PDGFB: variants seen among roughly 807,000 people sequenced by gnomAD.
PDGFB encodes the protein platelet derived growth factor subunit B, also known as platelet-derived growth factor subunit B.
A neutral mutation model predicts 29.0 loss-of-function variants in PDGFB; 6 were observed. That is an observed-to-expected ratio of 0.21 (90% CI 0.11 to 0.41). The LOEUF (loss-of-function observed/expected upper bound fraction) is 0.41. Ranked by LOEUF, PDGFB falls within the 10% of genes least tolerant of loss-of-function variation. The pLI, the probability that PDGFB is intolerant of heterozygous loss-of-function variation, is 1.00. For synonymous variants in PDGFB, 144 were observed against 140.8 expected (o/e 1.02, Z -0.16); for missense variants, 299 against 341.8 (o/e 0.87, Z 0.99).
intron 5 of PDGFB, 88 bp downstream of exon 5, chr22:39,229,996 T>C: frequency 6.9e-7 from 1 of 1,454,498 alleles, no homozygotes; most frequent in East Asian, 2.3e-5. Context: ...GGGGCGGGCC[T>C]GATCCCATTT....
chr22:39,224,749 G>A lies in PDGFB; in HGVS notation c.*593C>T, dbSNP rs1188341029. On this transcript the variant is annotated 3_prime_UTR_variant, in exon 7 of 7. Coordinates refer to ENST00000331163, the MANE Select transcript of PDGFB (RefSeq NM_002608.4). Reference sequence around the variant, plus strand: ...GAGTCCACGTCTTCAAAACGAAAACGAAAAGAAGCCACTGTGCACAGAGGC... The same window carrying A: ...GAGTCCACGTCTTCAAAACGAAAACAAAAAGAAGCCACTGTGCACAGAGGC... 6.6e-6 allele frequency: 1 copy of A among 152,338 alleles called. No individual in the cohort carries two copies. The highest frequency in any genetic ancestry group is 1.5e-5 in the Non-Finnish European group (1 of 68,042). 9.4% of individuals were successfully genotyped at this position (152,338 alleles called of 1,614,324 possible).
intron 5 of PDGFB, 39 bp from the exon 6 acceptor site, chr22:39,225,886 C>A: frequency 1.3e-6 from 2 of 1,589,320 alleles, no homozygotes; most frequent in Non-Finnish European, 1.7e-6. Flanking sequence ...GCATGTGGAC[C>A]ATTGGGGAGG....
intron 2 of PDGFB, among the ~76,000 whole-genome samples, chr22:39,234,590 G>A (rs976093695): frequency 6.6e-6 from 1 of 152,232 alleles, no homozygotes; most frequent in Non-Finnish European, 1.5e-5. Flanking sequence ...TGACTAGTCC[G>A]CTTCCGTCCA....
At chr22:39,237,809 C>T (rs1440876992) in intron 1 of PDGFB, among the ~76,000 whole-genome samples, 2 of 152,224 alleles carry the variant, frequency 1.3e-5, no homozygotes, top group Non-Finnish European at 2.9e-5. Context: ...ATGGTCCTGG[C>T]TCTCATCTGT....
rs1932636642 is a variant in PDGFB at position 39,244,062 on chromosome 22, C to A, written c.-99G>T. 1.7e-6 allele frequency: 1 copy of A among 596,200 alleles called. No homozygotes were observed. Among genetic ancestry groups the A allele is most frequent in the South Asian group, 2.8e-5 (1 of 35,832 alleles). 36.9% of individuals were successfully genotyped at this position (596,200 alleles called of 1,614,324 possible). A position where few individuals can be genotyped will look rare whatever the true frequency, so the allele number is the denominator to read the frequency against. On this transcript the variant is annotated 5_prime_UTR_variant, in exon 1 of 7. Coordinates refer to ENST00000331163, the MANE Select transcript of PDGFB (RefSeq NM_002608.4). This position sits in a 1 kb window ranked among gnomAD's most constrained non-coding sequence, Gnocchi z 4.5. ...GGGCTGGGGAGGGGGGTGGGCTCGG[C>A]TCGGGTCCGCGGCGATCAGGCGCTC... is the stretch of plus-strand genomic sequence containing the variant.
chr22:39,228,893 A>AAAAAATATAT (rs1184799325), intron 5 of PDGFB, among the ~76,000 whole-genome samples: 1 of 132,520 alleles, frequency 7.5e-6, no homozygotes, highest in Non-Finnish European at 1.7e-5. Flanking sequence ...CCTCAAAAAA[A>AAAAAATATAT]ATATATATAT....
In PDGFB at chr22:39,231,833, A is replaced by C. The variant is rs750113527; in HGVS notation, c.251-6T>G. ...CTCAGCAATGGTCAGGGAACCTGGG[A>C]GGAGACGAAACCTGGGTCAGGAGCG... On this transcript the variant is annotated splice_polypyrimidine_tract_variant and splice_region_variant and intron_variant, in intron 3 of 6. Coordinates refer to ENST00000331163, the MANE Select transcript of PDGFB (RefSeq NM_002608.4). The surrounding 1 kb of genome is among the most constrained non-coding windows in gnomAD (Gnocchi z 4.3). The C allele has an allele frequency of 4.3e-6, 7 of 1,611,320 alleles. No individual in the cohort carries two copies. Among genetic ancestry groups the C allele is most frequent in the Non-Finnish European group, 5.9e-6 (7 of 1,179,458 alleles).
chr22:39,236,554 C>T (rs972791174), intron 1 of PDGFB, among the ~76,000 whole-genome samples: 1 of 152,228 alleles, frequency 6.6e-6, no homozygotes. Context: ...TTTTAGAGCC[C>T]CTTTGGCCTG....
Position 39,225,192 on chromosome 22 carries a change from A to C in PDGFB, c.*150T>G, listed in dbSNP as rs1166929778. On this transcript the variant is annotated 3_prime_UTR_variant, in exon 7 of 7. Transcript: ENST00000331163. ...GATGGAAGGGTGGACGGACACGTGGAGGGGTGGGGGAAGCACCATTGGCCG... is the reference window on the plus strand; with the variant it reads ...GATGGAAGGGTGGACGGACACGTGGCGGGGTGGGGGAAGCACCATTGGCCG... 1 of 152,478 alleles carries C rather than the reference A, an allele frequency of 6.6e-6. No individual in the cohort carries two copies. Among genetic ancestry groups the C allele is most frequent in the Non-Finnish European group, 1.5e-5 (1 of 68,082 alleles). 9.4% of individuals were successfully genotyped at this position (152,478 alleles called of 1,614,324 possible).
At position 39,243,274 on chromosome 22, in the gene PDGFB, T is replaced by TTCTCTCTCTCTC. The variant is rs767228828; in HGVS notation, c.63+615_63+626dup. ...TCCGTCTCTCTCTCTCTCTCTCTCT[T>TTCTCTCTCTCTC]TCTCTCTCTCTCTCTCTCTCTCCCT... On this transcript the variant is annotated intron_variant, in intron 1 of 6. Transcript: ENST00000331163. This position sits in a 1 kb window ranked among gnomAD's most constrained non-coding sequence, Gnocchi z 6.4. Among the ~76,000 whole-genome samples the TTCTCTCTCTCTC allele has an allele frequency of 6.6e-5, 4 of 60,806 alleles. No homozygotes were observed. The highest frequency in any genetic ancestry group is 1.2e-4 in the African/African-American group (3 of 24,794). 39.9% of individuals were successfully genotyped at this position (60,806 alleles called of 152,430 possible).
chr22:39,240,745 T>C, intron 1 of PDGFB: 1 of 1,296,684 alleles, frequency 7.7e-7, no homozygotes, highest in Non-Finnish European at 1.1e-6. Flanking sequence ...GACACTCCAG[T>C]AGAGAAAGCA....
chr22:39,236,517 C>T lies in PDGFB; in HGVS notation c.64-643G>A, dbSNP rs559501167. Among the ~76,000 whole-genome samples, 8 of 152,350 alleles carry T rather than the reference C, an allele frequency of 5.3e-5. No individual in the cohort carries two copies. In the South Asian group the frequency reaches 8.3e-4, roughly 16 times the overall value. On this transcript the variant is annotated intron_variant, in intron 1 of 6. Coordinates refer to ENST00000331163, the MANE Select transcript of PDGFB (RefSeq NM_002608.4). ...CGGCCGGGAAACCTGAAAGCTTACC[C>T]GTGCCCTGTGCCCAACCAAACCCTA... is the stretch of plus-strand genomic sequence containing the variant.
At chr22:39,240,301 A>T (rs1169768198) in intron 1 of PDGFB, among the ~76,000 whole-genome samples, 1 of 151,634 alleles carries the variant, frequency 6.6e-6, no homozygotes, top group Non-Finnish European at 1.5e-5. Context: ...GGGCCAGGGG[A>T]TTCTGCCATT....
At chr22:39,227,017 G>A (rs1043738476) in intron 5 of PDGFB, among the ~76,000 whole-genome samples, 6 of 152,256 alleles carry the variant, frequency 3.9e-5, no homozygotes, top group Non-Finnish European at 8.8e-5. Flanking sequence ...GGAGTGCAGT[G>A]GCGCGATCTC....
At chr22:39,228,118 C>A (rs980614448) in intron 5 of PDGFB, among the ~76,000 whole-genome samples, 1 of 152,124 alleles carries the variant, frequency 6.6e-6, no homozygotes, top group South Asian at 2.1e-4. Flanking sequence ...GAGAGCCACA[C>A]TACCAAGCCT....
At chr22:39,238,697 C>T (rs533988403) in intron 1 of PDGFB, among the ~76,000 whole-genome samples, 1 of 152,384 alleles carries the variant, frequency 6.6e-6, no homozygotes, top group East Asian at 1.9e-4. Flanking sequence ...GCGTCTCAGC[C>T]TCCCTCTCCT....
Position 39,230,232 on chromosome 22 carries a change from G to C in PDGFB, c.457-4C>G. The C allele has an allele frequency of 6.2e-7, 1 of 1,613,532 alleles. No individual in the cohort carries two copies. Among genetic ancestry groups the C allele is most frequent in the Non-Finnish European group, 8.5e-7 (1 of 1,180,018 alleles). On this transcript the variant is annotated splice_polypyrimidine_tract_variant and splice_region_variant and intron_variant, in intron 4 of 6. Coordinates refer to ENST00000331163, the MANE Select transcript of PDGFB (RefSeq NM_002608.4). ...GCACAATCTCGATCTTTCTCACCTG[G>C]AGGACAGAGCCACAAAATGCCTCTG...
intron 3 of PDGFB, among the ~76,000 whole-genome samples, chr22:39,232,543 G>C (rs899160349): frequency 2.6e-5 from 4 of 152,084 alleles, no homozygotes; most frequent in African/African-American, 9.7e-5. Flanking sequence ...AGGCTGGAGT[G>C]CAGTGGCGTG....
Position 39,230,282 on chromosome 22 carries a change from G to C in PDGFB, c.457-54C>G, listed in dbSNP as rs187298550. On this transcript the variant is annotated intron_variant, in intron 4 of 6. Transcript: ENST00000331163. ...GTAGAGACCACACAGCCAGGAGCCCGGGAAGCCCGAATGGCTTGCGCTTCC... is the reference window on the plus strand; with the variant it reads ...GTAGAGACCACACAGCCAGGAGCCCCGGAAGCCCGAATGGCTTGCGCTTCC... 2,192 of 1,595,758 alleles carry C rather than the reference G, an allele frequency of 1.4e-3. 4 individuals carry two copies. Among genetic ancestry groups the C allele is most frequent in the Non-Finnish European group, 1.5e-3 (1,739 of 1,168,620 alleles).
Sources: gnomAD v4.1 joint callset for allele counts (sites outside exome capture counted in the v4.1 genomes callset) on GRCh38, gnomAD v4.1.1 for gene constraint, Gnocchi (gnomAD v3.1) non-coding constraint, MANE v1.5 for transcripts, NCBI Gene and HGNC (gene_info 2026-07-23, HGNC 2026-07-21) for gene names.